SIL1: variants seen among roughly 807,000 people sequenced by gnomAD.
SIL1 encodes nucleotide exchange factor SIL1.
A neutral mutation model predicts 49.1 loss-of-function variants in SIL1; 40 were observed. The observed-to-expected ratio is 0.81, with a 90% confidence interval of 0.63 to 1.06. The LOEUF (loss-of-function observed/expected upper bound fraction) is 1.06. SIL1 is among the 50% of genes least tolerant of loss of function. The pLI, the probability that SIL1 is intolerant of heterozygous loss-of-function variation, is 0.00. For missense variants in SIL1, 500 were observed against 572.6 expected (o/e 0.87, Z 1.29); for synonymous variants, 253 against 250.8 (o/e 1.01, Z -0.08).
intron 3 of SIL1, among the ~76,000 whole-genome samples, chr5:139,056,858 G>T (rs1014838793): frequency 6.6e-6 from 1 of 151,982 alleles, no homozygotes; most frequent in Non-Finnish European, 1.5e-5. Flanking sequence ...TGACAATGGC[G>T]GTTTTGTGGA....
chr5:139,117,914 A>C (rs1771031162), intron 3 of SIL1, among the ~76,000 whole-genome samples: 1 of 152,170 alleles, frequency 6.6e-6, no homozygotes, highest in Non-Finnish European at 1.5e-5. Context: ...GGCAGCAGGC[A>C]GTCTGGAAAT....
intron 5 of SIL1, among the ~76,000 whole-genome samples, chr5:139,030,532 C>T (rs560218939): frequency 6.6e-6 from 1 of 150,470 alleles, no homozygotes; most frequent in Non-Finnish European, 1.5e-5. Flanking sequence ...GTAGTCCCAG[C>T]TACCCGGGAG....
intron 1 of SIL1, among the ~76,000 whole-genome samples, chr5:139,197,704 C>A (rs1255339936): frequency 6.6e-6 from 1 of 152,146 alleles, no homozygotes; most frequent in Non-Finnish European, 1.5e-5. Context: ...TGAATGAGAA[C>A]CCCCTGGGGT....
chr5:138,982,736 C>T (rs1416857019), intron 7 of SIL1, among the ~76,000 whole-genome samples: 2 of 152,194 alleles, frequency 1.3e-5, no homozygotes, highest in East Asian at 3.8e-4. Context: ...GACAGAACTT[C>T]CCTAGCATAG....
chr5:139,025,090 G>A (rs541787269), intron 6 of SIL1, among the ~76,000 whole-genome samples: 1 of 152,306 alleles, frequency 6.6e-6, no homozygotes, highest in Non-Finnish European at 1.5e-5. Flanking sequence ...TTGTCTATCT[G>A]CTTCTGCTAG....
chr5:139,166,520 G>A (rs1354072807), intron 1 of SIL1, among the ~76,000 whole-genome samples: 2 of 152,186 alleles, frequency 1.3e-5, no homozygotes, highest in Non-Finnish European at 2.9e-5. Flanking sequence ...AAATAGGCGT[G>A]GTGATGAGTA....
At position 138,956,573 on chromosome 5, in the gene SIL1, GTC is replaced by G. The variant is rs1046811460; in HGVS notation, c.768-4691_768-4690del. 6.6e-5 allele frequency among the ~76,000 whole-genome samples: 10 copies of G among 151,956 alleles called. No individual in the cohort carries two copies. The East Asian group carries it at 1.7e-3, about 27-fold the overall frequency. On this transcript the variant is annotated intron_variant, in intron 7 of 9. Transcript: ENST00000394817. ...AGTCTGGCCAACATGGTGAAACCCC[GTC>G]TCTACTAAAAATACAAGAGTTAGCT...
intron 3 of SIL1, among the ~76,000 whole-genome samples, chr5:139,086,829 A>T (rs978713526): frequency 6.6e-6 from 1 of 151,544 alleles, no homozygotes; most frequent in Non-Finnish European, 1.5e-5. Context: ...GCCTGGTGGC[A>T]CATGCCTGTA....
At chr5:139,068,870 A>G (rs970530707) in intron 3 of SIL1, among the ~76,000 whole-genome samples, 24 of 152,206 alleles carry the variant, frequency 1.6e-4, no homozygotes, top group African/African-American at 5.8e-4. Context: ...CCAGAAAGAC[A>G]TGGCCACAAA....
intron 6 of SIL1, among the ~76,000 whole-genome samples, chr5:139,026,593 ACT>A (rs1231141957): frequency 6.6e-6 from 1 of 152,082 alleles, no homozygotes; most frequent in African/African-American, 2.4e-5. Flanking sequence ...ACCGAGTGAG[ACT>A]CTGACTCAGA....
intron 2 of SIL1, 53 bp downstream of exon 2, chr5:139,127,686 G>A (rs1750780412): frequency 7.0e-7 from 1 of 1,421,422 alleles, no homozygotes; most frequent in African/African-American, 1.4e-5. Context: ...TGACAGGGAG[G>A]CCTTCTCAAG....
At chr5:139,030,488 T>C (rs976987567) in intron 5 of SIL1, among the ~76,000 whole-genome samples, 3 of 149,246 alleles carry the variant, frequency 2.0e-5, no homozygotes, top group African/African-American at 2.5e-5. Context: ...AAAAAAAAAA[T>C]GTATTTTTTG....
At chr5:138,966,144 A>T (rs1269301543) in intron 7 of SIL1, among the ~76,000 whole-genome samples, 2 of 151,578 alleles carry the variant, frequency 1.3e-5, no homozygotes, top group Non-Finnish European at 2.9e-5. Context: ...CAACAAGTTC[A>T]ATATTGCTAG....
chr5:139,007,876 A>G (rs1337379374), intron 7 of SIL1, among the ~76,000 whole-genome samples: 22 of 147,450 alleles, frequency 1.5e-4, no homozygotes, highest in Admixed American at 1.4e-3. Flanking sequence ...TATTTTATTG[A>G]GGATTTTTGC....
chr5:139,082,198 C>G (rs1770096572), intron 3 of SIL1, among the ~76,000 whole-genome samples: 1 of 152,134 alleles, frequency 6.6e-6, no homozygotes, highest in Admixed American at 6.5e-5. Flanking sequence ...CAGAAATTAC[C>G]AGGCATTTTG....
chr5:138,991,176 C>T (rs1023076172), intron 7 of SIL1, among the ~76,000 whole-genome samples: 6 of 152,238 alleles, frequency 3.9e-5, no homozygotes, highest in Non-Finnish European at 8.8e-5. Context: ...GCGTGTTGGC[C>T]AGATGCTCTG....
chr5:139,153,063 C>T lies in SIL1; in HGVS notation c.-10-25210G>A, dbSNP rs190002445. ...GAACTCCTGACCTTAGGTGATCCGCCCCCCTTGGCCTCCCAAAGTGCTGGG... is the reference window on the plus strand; with the variant it reads ...GAACTCCTGACCTTAGGTGATCCGCTCCCCTTGGCCTCCCAAAGTGCTGGG... On this transcript the variant is annotated intron_variant, in intron 1 of 9. Coordinates refer to ENST00000394817, the MANE Select transcript of SIL1 (RefSeq NM_022464.5). 2.9e-3 allele frequency among the ~76,000 whole-genome samples: 449 copies of T among 152,292 alleles called. 3 individuals carry two copies. The highest frequency in any genetic ancestry group is 0.01 in the African/African-American group (431 of 41,562).
At chr5:139,035,427 G>A (rs6890272) in intron 5 of SIL1, 207,343 of 538,764 alleles carry the variant, frequency 0.38, 42,029 homozygotes, top group African/African-American at 0.59. Context: ...AGAAGGCACT[G>A]CCTCAATCAG....
At chr5:139,056,704 GC>G (rs1324455538) in intron 3 of SIL1, among the ~76,000 whole-genome samples, 1 of 150,578 alleles carries the variant, frequency 6.6e-6, no homozygotes, top group Non-Finnish European at 1.5e-5. Flanking sequence ...GGGGGCGTCA[GC>G]CCCCCGCCCG....
Sources: gnomAD v4.1 joint callset for allele counts (sites outside exome capture counted in the v4.1 genomes callset) on GRCh38, gnomAD v4.1.1 for gene constraint, MANE v1.5 for transcripts, NCBI Gene and HGNC (gene_info 2026-07-23, HGNC 2026-07-21) for gene names.